HNRNPA1: variants seen among roughly 807,000 people sequenced by gnomAD.
HNRNPA1 encodes epididymis secretory sperm binding protein.
HNRNPA1 carries 7 observed loss-of-function variants against 44.4 expected under a neutral mutation model. That is an observed-to-expected ratio of 0.16 (90% CI 0.09 to 0.30). The LOEUF (loss-of-function observed/expected upper bound fraction) is 0.30. HNRNPA1 is among the 10% of genes least tolerant of loss of function. HNRNPA1 has a pLI of 1.00. For missense variants in HNRNPA1, 193 were observed against 465.8 expected, an observed-to-expected ratio of 0.41 and a Z score of 5.39; for synonymous variants, 169 against 160.6, an observed-to-expected ratio of 1.05 and a Z score of -0.40.
chr12:54,282,331 G>GCATTTAGA (rs1944186350), intron 4 of HNRNPA1, 31 bp downstream of exon 4: 1 of 1,610,880 alleles, frequency 6.2e-7, no homozygotes, highest in African/African-American at 1.3e-5. Flanking sequence ...TTTAGTAAGG[G>GCATTTAGA]TTCCACAATC....
chr12:54,281,976 T>TA (rs761922582), intron 3 of HNRNPA1, 35 bp downstream of exon 3: 8 of 1,610,804 alleles, frequency 5.0e-6, no homozygotes, highest in Non-Finnish European at 5.9e-6. Context: ...TTCTTAAACT[T>TA]ACTTGGATAT....
intron 9 of HNRNPA1, 64 bp from the exon 10 acceptor site, chr12:54,284,194 T>A: frequency 6.5e-7 from 1 of 1,541,980 alleles, no homozygotes; most frequent in Non-Finnish European, 8.9e-7. Context: ...ACTTTTATTA[T>A]CCCAAATATG....
chr12:54,280,863 C>T (rs1185515597), intron 1 of HNRNPA1, 41 bp downstream of exon 1: 2 of 1,610,208 alleles, frequency 1.2e-6, no homozygotes, highest in African/African-American at 1.3e-5. Flanking sequence ...TTTTCCTCTC[C>T]CTTTCCTGAA....
chr12:54,282,022 A>G, intron 3 of HNRNPA1, 68 bp from the exon 4 acceptor site: 1 of 1,599,844 alleles, frequency 6.3e-7, no homozygotes. Flanking sequence ...GAGTTTTCTA[A>G]ACTTACCAAA....
At position 54,282,207 on chromosome 12, in the gene HNRNPA1, G is replaced by A. The variant is rs1328259504; in HGVS notation, c.397G>A (p.Val133Met). The change falls in exon 4 of 11, where the codon GTG (valine) becomes ATG (methionine). Residue 133 changes from valine (V) to methionine (M), a missense_variant. By Grantham distance (21) the Val-to-Met change is conservative (BLOSUM62 1). Around this residue, in one of 2 missense-constraint regions of HNRNPA1, gnomAD observed 57 missense variants for 231.3 expected, o/e 0.25. Transcript: ENST00000340913. ...DYFEQYGKIE[V>M]IEIMTDRGSG... is the part of the protein sequence containing the mutation. ...TTTTGAACAGTATGGAAAAATTGAA[G>A]TGATTGAAATCATGACTGACCGAGG... is the stretch of plus-strand genomic sequence containing the variant. The A allele has an allele frequency of 6.2e-7, 1 of 1,605,870 alleles. No homozygotes were observed. Among genetic ancestry groups the A allele is most frequent in the Non-Finnish European group, 8.5e-7 (1 of 1,177,016 alleles).
intron 8 of HNRNPA1, 148 bp from the exon 9 acceptor site, chr12:54,283,664 A>G (rs1944216099): frequency 2.6e-6 from 2 of 780,360 alleles, no homozygotes; most frequent in Non-Finnish European, 4.3e-6. Flanking sequence ...TGCCTTTCCC[A>G]GAGAATGAAA....
intron 6 of HNRNPA1, 37 bp from the exon 7 acceptor site, chr12:54,282,763 C>G (rs2137043296): frequency 6.4e-7 from 1 of 1,570,218 alleles, no homozygotes; most frequent in Non-Finnish European, 8.7e-7. Context: ...CACTTTAAGT[C>G]CAAGTCATAC....
chr12:54,282,336 A>G (rs1349729738), intron 4 of HNRNPA1, 36 bp downstream of exon 4: 2 of 1,611,598 alleles, frequency 1.2e-6, no homozygotes, highest in South Asian at 1.1e-5. Context: ...TAAGGGTTCC[A>G]CAATCTGTAT....
rs1592171573 is a variant in HNRNPA1, at chr12:54,282,191, G to A, written c.381G>A (p.Gln127=). ...EEHHLRDYFE[Q]YGKIEVIEIM... The stretch of plus-strand genomic sequence containing the variant: ...ATCACCTAAGAGATTATTTTGAACA[G>A]TATGGAAAAATTGAAGTGATTGAAA... Residue 127 remains glutamine, a synonymous_variant, in exon 4 of 11, where the codon CAG becomes CAA. Coordinates refer to ENST00000340913, the MANE Select transcript of HNRNPA1 (RefSeq NM_031157.4). The A allele has an allele frequency of 3.7e-6, 6 of 1,602,202 alleles. No homozygotes were observed. Among genetic ancestry groups the A allele is most frequent in the East Asian group, 4.5e-5 (2 of 44,868 alleles).
In HNRNPA1 at chr12:54,283,354, C is replaced by T. The variant is rs1592173049; in HGVS notation, c.907+120C>T. On this transcript the variant is annotated intron_variant, in intron 8 of 10. Transcript: ENST00000340913. Reference sequence around the variant, plus strand: ...GCATGGTATATTAAAAACAAATGGGCTTGCTATGCTACCTCCTCCTAGCTT... The same window carrying T: ...GCATGGTATATTAAAAACAAATGGGTTTGCTATGCTACCTCCTCCTAGCTT... 7.2e-6 allele frequency: 8 copies of T among 1,113,630 alleles called. No individual in the cohort carries two copies. The East Asian group carries it at 7.7e-5, about 11-fold the overall frequency. The allele number at this position is 1,113,630 out of a possible 1,614,324, so 69.0% of individuals were successfully genotyped here. A position where few individuals can be genotyped will look rare whatever the true frequency, so the allele number is the denominator to read the frequency against.
rs201857164 is a variant in HNRNPA1 at position 54,287,057 on chromosome 12, T to G, written c.*2513T>G. 6.9e-6 allele frequency: 1 copy of G among 145,532 alleles called. No individual in the cohort carries two copies. The highest frequency in any genetic ancestry group is 6.9e-5 in the Admixed American group (1 of 14,516). The allele number at this position is 145,532 out of a possible 1,614,324, so 9.0% of individuals were successfully genotyped here. ...GCTCAAATTCCATTTTGTGAATGGG[T>G]TTTTTTTTTTAATAAACTGTATTTA... On this transcript the variant is annotated 3_prime_UTR_variant, in exon 11 of 11. Transcript: ENST00000340913.
Position 54,284,295 on chromosome 12 carries a change from C to T in HNRNPA1, c.1101C>T (p.Gly367=), listed in dbSNP as rs760229094. ...GTTCCAGCAGCAGCAGTAGCTATGG[C>T]AGTGGCAGAAGATTTTAATTAGGTA... ...YGGSSSSSSY[G]SGRRF The change falls in exon 10 of 11, where the codon GGC becomes GGT. Residue 367 remains glycine, a synonymous_variant. Coordinates refer to ENST00000340913, the MANE Select transcript of HNRNPA1 (RefSeq NM_031157.4). 6 of 1,613,902 alleles carry T rather than the reference C, an allele frequency of 3.7e-6. No individual in the cohort carries two copies. The highest frequency in any genetic ancestry group is 4.2e-6 in the Non-Finnish European group (5 of 1,179,938).
At position 54,282,005 on chromosome 12, in the gene HNRNPA1, G is replaced by A. The variant is rs928877507; in HGVS notation, c.279+64G>A. 10 of 1,602,142 alleles carry A rather than the reference G, an allele frequency of 6.2e-6. 1 individual carries two copies. The Admixed American group carries it at 8.6e-5, about 14-fold the overall frequency. Reference sequence around the variant, plus strand: ...TGGATATGTGCTGCTATGGACTTAAGATTCGGGAGTTTTCTAAACTTACCA... The same window carrying A: ...TGGATATGTGCTGCTATGGACTTAAAATTCGGGAGTTTTCTAAACTTACCA... On this transcript the variant is annotated intron_variant, in intron 3 of 10. Coordinates refer to ENST00000340913, the MANE Select transcript of HNRNPA1 (RefSeq NM_031157.4).
rs1006828520 is a variant in HNRNPA1, at chr12:54,282,443, C to T, written c.540C>T (p.Ala180=). 5.0e-6 allele frequency: 8 copies of T among 1,613,394 alleles called. No individual in the cohort carries two copies. The highest frequency in any genetic ancestry group is 2.7e-5 in the African/African-American group (2 of 74,868). ...VNGHNCEVRK[A]LSKQEMASAS... Reference sequence around the variant, plus strand: ...GCCACAACTGTGAAGTTAGAAAAGCCCTGTCAAAGCAAGAGATGGCTAGTG... The same window carrying T: ...GCCACAACTGTGAAGTTAGAAAAGCTCTGTCAAAGCAAGAGATGGCTAGTG... Residue 180 remains alanine (A), a synonymous_variant, in exon 5 of 11, where the codon GCC becomes GCT. Coordinates refer to ENST00000340913, the MANE Select transcript of HNRNPA1 (RefSeq NM_031157.4).
chr12:54,280,852 T>G, intron 1 of HNRNPA1, 30 bp downstream of exon 1: 1 of 1,613,394 alleles, frequency 6.2e-7, no homozygotes, highest in Non-Finnish European at 8.5e-7. Context: ...CCACTTGAAT[T>G]TTTTCCTCTC....
chr12:54,281,987 G>GTGCTGCTATGGACTTAAGA, intron 3 of HNRNPA1, 46 bp downstream of exon 3: 1 of 1,607,854 alleles, frequency 6.2e-7, no homozygotes, highest in Non-Finnish European at 8.5e-7. Flanking sequence ...ACTTGGATAT[G>GTGCTGCTATGGACTTAAGA]TGCTGCTATG....
At chr12:54,280,946 T>A (rs1391316139) in intron 1 of HNRNPA1, 124 bp downstream of exon 1, 1 of 1,050,060 alleles carries the variant, frequency 9.5e-7, no homozygotes, top group African/African-American at 1.6e-5. Flanking sequence ...TGCCACGGCC[T>A]ACCCCTCCCA....
At position 54,281,364 on chromosome 12, in the gene HNRNPA1, C is replaced by T. The variant is rs746278274; in HGVS notation, c.16-22C>T. ...GTTTCGTGTTGTAGCCCATTTAACA[C>T]TTCCCCCTCCCCCCACTCTAGTCTC... On this transcript the variant is annotated intron_variant, in intron 1 of 10. Transcript: ENST00000340913. The T allele has an allele frequency of 8.2e-6, 11 of 1,340,890 alleles. No individual in the cohort carries two copies. The East Asian group carries it at 2.5e-4, about 31-fold the overall frequency. The allele number at this position is 1,340,890 out of a possible 1,614,324, so 83.1% of individuals were successfully genotyped here. A position where few individuals can be genotyped will look rare whatever the true frequency, so the allele number is the denominator to read the frequency against.
intron 1 of HNRNPA1, 83 bp downstream of exon 1, chr12:54,280,905 C>T (rs1164458921): frequency 6.9e-6 from 10 of 1,458,106 alleles, no homozygotes; most frequent in African/African-American, 1.4e-5. Flanking sequence ...TCGTTCCTTG[C>T]ACCAGCCCAT....
Sources: allele counts gnomAD v4.1 joint callset, GRCh38; gene constraint gnomAD v4.1.1; regional missense constraint gnomAD v4.1.1; transcripts MANE v1.5; gene names NCBI Gene and HGNC (gene_info 2026-07-23, HGNC 2026-07-21).